Variants in LMBR1 observed in about 807,000 individuals in gnomAD.
LMBR1 encodes limb region 1 protein homolog.
In LMBR1, 52 loss-of-function variants were observed where a neutral mutation model predicts 73.9. The ratio of observed to expected loss-of-function variants is 0.70; its 90% CI spans 0.56 to 0.89. The LOEUF is 0.89. Ranked by LOEUF, LMBR1 falls within the 40% of genes least tolerant of loss-of-function variation. The probability of loss-of-function intolerance (pLI) is 0.00; values close to 1 mark genes in which losing one functional copy is unlikely to be tolerated. For synonymous variants in LMBR1, 215 were observed against 209.4 expected (o/e 1.03, Z -0.23); for missense variants, 539 against 579.8 (o/e 0.93, Z 0.72).
intron 5 of LMBR1, among the ~76,000 whole-genome samples, chr7:156,773,859 A>G (rs1825649321): frequency 6.6e-6 from 1 of 151,646 alleles, no homozygotes; most frequent in Non-Finnish European, 1.5e-5. Flanking sequence ...AATGGGACCT[A>G]ATTAAACTAA....
At chr7:156,801,485 A>C (rs1450776515) in intron 4 of LMBR1, among the ~76,000 whole-genome samples, 1 of 152,222 alleles carries the variant, frequency 6.6e-6, no homozygotes, top group Non-Finnish European at 1.5e-5. Context: ...GTACACTGGA[A>C]CCAACCCTGC....
At chr7:156,796,524 A>C (rs1230514967) in intron 4 of LMBR1, 32 bp from the exon 5 acceptor site, 2 of 1,421,142 alleles carry the variant, frequency 1.4e-6, no homozygotes, top group South Asian at 2.6e-5. Flanking sequence ...AAGAAGAAAA[A>C]CAGGTTAGAT....
chr7:156,709,044 C>A (rs747508646), intron 15 of LMBR1, among the ~76,000 whole-genome samples: 10 of 152,180 alleles, frequency 6.6e-5, no homozygotes, highest in Non-Finnish European at 1.3e-4. Flanking sequence ...CCCAGACCCA[C>A]CTGACCTTGC....
At chr7:156,837,335 C>CAA (rs61161222) in intron 1 of LMBR1, among the ~76,000 whole-genome samples, 32 of 101,676 alleles carry the variant, frequency 3.1e-4, no homozygotes, top group Non-Finnish European at 5.5e-4. Context: ...GACTCCATCT[C>CAA]AAAAAAAAAA....
At chr7:156,882,087 C>T (rs747661848) in intron 1 of LMBR1, among the ~76,000 whole-genome samples, 6 of 152,128 alleles carry the variant, frequency 3.9e-5, no homozygotes, top group Non-Finnish European at 8.8e-5. Context: ...TGTCTATTAA[C>T]GGATGGATAA....
In LMBR1 at chr7:156,848,652, C is replaced by T. The variant is rs116685398; in HGVS notation, c.67-11767G>A. The stretch of plus-strand genomic sequence containing the variant: ...AAACCATTTAAAAGAGAAATACTGG[C>T]TGGGCATGGTGACTCACCCCTGTAA... On this transcript the variant is annotated intron_variant, in intron 1 of 16. Transcript: ENST00000353442. 4.5e-4 allele frequency among the ~76,000 whole-genome samples: 68 copies of T among 152,260 alleles called. 1 individual carries two copies. Among genetic ancestry groups the T allele is most frequent in the African/African-American group, 1.6e-3 (68 of 41,528 alleles).
chr7:156,715,842 T>C (rs1424365333), intron 15 of LMBR1, among the ~76,000 whole-genome samples: 1 of 152,238 alleles, frequency 6.6e-6, no homozygotes, highest in Non-Finnish European at 1.5e-5. Flanking sequence ...GACACTTTGA[T>C]TGTTTCCACC....
At chr7:156,702,420 CTT>C (rs1809970909) in intron 15 of LMBR1, among the ~76,000 whole-genome samples, 1 of 152,136 alleles carries the variant, frequency 6.6e-6, no homozygotes, top group Admixed American at 6.5e-5. Context: ...ACATAAATGT[CTT>C]CTTTTGAGAA....
chr7:156,855,666 C>CAAAAAAAAAAAAAAA (rs35231167), intron 1 of LMBR1, among the ~76,000 whole-genome samples: 4 of 87,298 alleles, frequency 4.6e-5, no homozygotes, highest in African/African-American at 9.0e-5. Flanking sequence ...AACGTAAATA[C>CAAAAAAAAAAAAAAA]AAAAAAAAAA....
chr7:156,757,999 G>A (rs1373836377), intron 8 of LMBR1, among the ~76,000 whole-genome samples: 1 of 152,134 alleles, frequency 6.6e-6, no homozygotes, highest in Non-Finnish European at 1.5e-5. Flanking sequence ...TAATGACAAA[G>A]AATGACCATC....
chr7:156,850,558 G>C (rs1368029132), intron 1 of LMBR1, among the ~76,000 whole-genome samples: 1 of 152,032 alleles, frequency 6.6e-6, no homozygotes, highest in East Asian at 1.9e-4. Flanking sequence ...TTTTGTGTCT[G>C]GCTTCTTTCA....
intron 12 of LMBR1, among the ~76,000 whole-genome samples, chr7:156,727,500 T>C (rs1338338030): frequency 1.3e-5 from 2 of 152,136 alleles, no homozygotes; most frequent in Non-Finnish European, 1.5e-5. Flanking sequence ...TGTCTGTCTG[T>C]AGGATGAGGC....
At chr7:156,810,001 C>A (rs1192526789) in intron 4 of LMBR1, among the ~76,000 whole-genome samples, 1 of 152,040 alleles carries the variant, frequency 6.6e-6, no homozygotes, top group Non-Finnish European at 1.5e-5. Context: ...CCAACTACAT[C>A]ACTGATACCC....
intron 4 of LMBR1, among the ~76,000 whole-genome samples, chr7:156,672,100 C>T (rs1802679478): frequency 6.6e-6 from 1 of 152,166 alleles, no homozygotes; most frequent in Non-Finnish European, 1.5e-5. Context: ...ATTAAAATAT[C>T]CTAAGCATTT....
intron 4 of LMBR1, among the ~76,000 whole-genome samples, chr7:156,802,915 T>G (rs1244885144): frequency 6.6e-6 from 1 of 152,112 alleles, no homozygotes; most frequent in Non-Finnish European, 1.5e-5. Flanking sequence ...ATTCCCTATT[T>G]AATAAATGGT....
chr7:156,839,801 G>T (rs1408975957), intron 1 of LMBR1, among the ~76,000 whole-genome samples: 1 of 152,186 alleles, frequency 6.6e-6, no homozygotes, highest in East Asian at 1.9e-4. Context: ...CCTGCCACTG[G>T]AAGCCACGTA....
downstream of LMBR1, among the ~76,000 whole-genome samples, chr7:156,675,364 G>A (rs1487670786): frequency 6.6e-6 from 1 of 152,168 alleles, no homozygotes; most frequent in South Asian, 2.1e-4. Context: ...CTTTAGGGGT[G>A]GGGAGAGGTC....
chr7:156,737,784 G>C (rs1482348242), intron 9 of LMBR1, among the ~76,000 whole-genome samples: 1 of 151,958 alleles, frequency 6.6e-6, no homozygotes, highest in Admixed American at 6.6e-5. Flanking sequence ...GATTTGTTTT[G>C]AGACATTCTT....
At chr7:156,873,816 G>A (rs1333949115) in intron 1 of LMBR1, among the ~76,000 whole-genome samples, 1 of 152,236 alleles carries the variant, frequency 6.6e-6, no homozygotes, top group African/African-American at 2.4e-5. Context: ...TAGATACAGA[G>A]TGTCGATTGG....
Sources: allele counts gnomAD v4.1 joint callset (sites outside exome capture counted in the v4.1 genomes callset), GRCh38; gene constraint gnomAD v4.1.1; transcripts MANE v1.5; gene names NCBI Gene and HGNC (gene_info 2026-07-23, HGNC 2026-07-21).